Variants in DPY19L1 observed in about 807,000 individuals in gnomAD.
DPY19L1 encodes protein C-mannosyl-transferase DPY19L1.
DPY19L1 carries 35 observed loss-of-function variants against 96.9 expected under a neutral mutation model. The ratio of observed to expected loss-of-function variants is 0.36; its 90% CI spans 0.28 to 0.48. The LOEUF (loss-of-function observed/expected upper bound fraction) is 0.48. DPY19L1 is among the 20% of genes least tolerant of loss of function. The pLI is 0.99. For missense variants in DPY19L1, 521 were observed against 777.9 expected (o/e 0.67, Z 3.93); for synonymous variants, 205 against 252.6 (o/e 0.81, Z 1.79).
intron 6 of DPY19L1, among the ~76,000 whole-genome samples, chr7:35,005,686 G>A (rs577810471): frequency 9.6e-4 from 143 of 148,650 alleles, no homozygotes; most frequent in Non-Finnish European, 1.6e-3. Flanking sequence ...GGTGGTGCGC[G>A]CCTGTAATCC....
chr7:35,007,312 T>A (rs1225747343), intron 6 of DPY19L1, among the ~76,000 whole-genome samples: 1 of 152,080 alleles, frequency 6.6e-6, no homozygotes, highest in East Asian at 1.9e-4. Flanking sequence ...AAAGGAAAGC[T>A]GGAAAAATGA....
rs60228908 is a variant in DPY19L1, at chr7:34,999,574, A to C, written c.765-9633T>G. Among the ~76,000 whole-genome samples, 1,066 of 152,290 alleles carry C rather than the reference A, an allele frequency of 7.0e-3. 11 individuals carry two copies. The highest frequency in any genetic ancestry group is 0.024 in the African/African-American group (991 of 41,572). On this transcript the variant is annotated intron_variant, in intron 6 of 21. Transcript: ENST00000638088. ...TCAGGATGGTGGTAAACAAAACTCCAAGGGAATCGCTAAACGGAAGCCCAG... is the reference window on the plus strand; with the variant it reads ...TCAGGATGGTGGTAAACAAAACTCCCAGGGAATCGCTAAACGGAAGCCCAG...
intron 7 of DPY19L1, chr7:34,988,380 T>C (rs1432550637): frequency 6.6e-6 from 1 of 152,112 alleles, no homozygotes; most frequent in Non-Finnish European, 1.5e-5. Flanking sequence ...AAGTGCTTCA[T>C]GGTCCACACT....
At chr7:35,021,496 AATG>A (rs1181913000) in intron 1 of DPY19L1, among the ~76,000 whole-genome samples, 5 of 152,210 alleles carry the variant, frequency 3.3e-5, no homozygotes, top group Non-Finnish European at 1.5e-5. Context: ...ACTCAGTAAC[AATG>A]ATGAGAGCAA....
intron 7 of DPY19L1, among the ~76,000 whole-genome samples, chr7:34,978,481 T>C (rs990345610): frequency 1.3e-5 from 2 of 152,196 alleles, no homozygotes; most frequent in Non-Finnish European, 2.9e-5. Flanking sequence ...GTGTTAAGAA[T>C]CCTGCTGTCC....
chr7:35,006,397 T>A (rs1463990421), intron 6 of DPY19L1, among the ~76,000 whole-genome samples: 3 of 152,206 alleles, frequency 2.0e-5, no homozygotes, highest in Non-Finnish European at 4.4e-5. Context: ...TTTTTGTATT[T>A]ATCAATAAGA....
chr7:34,933,379 C>A (rs760329398), intron 21 of DPY19L1, among the ~76,000 whole-genome samples: 9 of 152,218 alleles, frequency 5.9e-5, no homozygotes, highest in Non-Finnish European at 1.0e-4. Flanking sequence ...TGAGAACATA[C>A]AATATTTGCT....
chr7:35,003,351 G>A (rs1216382982), intron 6 of DPY19L1, among the ~76,000 whole-genome samples: 1 of 152,132 alleles, frequency 6.6e-6, no homozygotes, highest in African/African-American at 2.4e-5. Flanking sequence ...ACCATGGAAG[G>A]TAGCCAGTCC....
chr7:35,011,192 C>G (rs1785701919), intron 5 of DPY19L1, 138 bp downstream of exon 5: 3 of 989,236 alleles, frequency 3.0e-6, no homozygotes, highest in Non-Finnish European at 4.4e-6. Context: ...TGCCCAAATT[C>G]TGGACTTGCA....
chr7:35,018,938 G>T (rs1785925004), intron 1 of DPY19L1, among the ~76,000 whole-genome samples: 2 of 152,126 alleles, frequency 1.3e-5, no homozygotes, highest in Admixed American at 1.3e-4. Context: ...AAATATGGTG[G>T]CTGAGGGGTA....
chr7:34,986,224 T>G (rs1427116511), intron 7 of DPY19L1, among the ~76,000 whole-genome samples: 1 of 152,020 alleles, frequency 6.6e-6, no homozygotes, highest in Non-Finnish European at 1.5e-5. Context: ...GAATAAGTTT[T>G]AATGATCTAT....
intron 7 of DPY19L1, chr7:34,988,244 G>A (rs1224505113): frequency 1.3e-5 from 2 of 152,022 alleles, no homozygotes; most frequent in South Asian, 4.1e-4. Context: ...TGGTGGTCTA[G>A]GTTCCAAAAT....
intron 7 of DPY19L1, among the ~76,000 whole-genome samples, chr7:34,988,791 T>G (rs1785103126): frequency 6.6e-6 from 1 of 152,220 alleles, no homozygotes; most frequent in Admixed American, 6.5e-5. Flanking sequence ...GAAATTCATT[T>G]ACAACTATGA....
intron 12 of DPY19L1, 80 bp from the exon 13 acceptor site, chr7:34,954,858 A>T (rs1784345200): frequency 1.6e-6 from 1 of 630,064 alleles, no homozygotes; most frequent in African/African-American, 1.9e-5. Context: ...TAAATGCTTT[A>T]ATCATACATG....
In DPY19L1 at chr7:34,940,235, T is replaced by C. The variant is rs201838083; in HGVS notation, c.1782A>G (p.Gln594=). Residue 594 remains glutamine (Q), a synonymous_variant, in exon 19 of 22, where the codon CAA becomes CAG. Transcript: ENST00000638088. The part of the protein sequence containing the change: ...AMSIQGSANL[Q]TQWNIVGEFS... ...ACTCCCCTACAATATTCCACTGGGT[T>C]TGCAGATTTGCTGAACCTTGTATTG... The C allele has an allele frequency of 5.0e-6, 8 of 1,612,684 alleles. No individual in the cohort carries two copies. Among genetic ancestry groups the C allele is most frequent in the Non-Finnish European group, 5.9e-6 (7 of 1,179,756 alleles).
intron 1 of DPY19L1, among the ~76,000 whole-genome samples, chr7:35,033,267 CTACT>C (rs1287455714): frequency 3.3e-5 from 5 of 152,184 alleles, no homozygotes; most frequent in Admixed American, 2.6e-4. Flanking sequence ...TTTCCTGACC[CTACT>C]TAAAGAGGGT....
intron 1 of DPY19L1, among the ~76,000 whole-genome samples, chr7:35,033,979 T>C (rs201173896): frequency 6.6e-6 from 1 of 151,880 alleles, no homozygotes; most frequent in Admixed American, 6.6e-5. Context: ...ACAAAAAAAT[T>C]ATCCCACCCA....
chr7:34,933,969 T>A (rs1241998050), intron 21 of DPY19L1, among the ~76,000 whole-genome samples: 13 of 152,114 alleles, frequency 8.5e-5, no homozygotes, highest in Non-Finnish European at 1.9e-4. Flanking sequence ...ACATCTATCC[T>A]TTTTTTATTT....
chr7:34,946,968 C>T (rs1319051209), intron 15 of DPY19L1, among the ~76,000 whole-genome samples: 1 of 152,208 alleles, frequency 6.6e-6, no homozygotes, highest in African/African-American at 2.4e-5. Context: ...TGTGTTAACA[C>T]AGAAATCACT....
Sources: allele counts gnomAD v4.1 joint callset (sites outside exome capture counted in the v4.1 genomes callset), GRCh38; gene constraint gnomAD v4.1.1; transcripts MANE v1.5; gene names NCBI Gene and HGNC (gene_info 2026-07-23, HGNC 2026-07-21).